SHANK1: variants seen among roughly 807,000 people sequenced by gnomAD.
The protein encoded by SHANK1 is SH3 and multiple ankyrin repeat domains protein 1.
Under a neutral mutation model 165.6 loss-of-function variants are expected in SHANK1, and 35 were observed. The ratio of observed to expected loss-of-function variants is 0.21; its 90% CI spans 0.16 to 0.28. The LOEUF (loss-of-function observed/expected upper bound fraction) is 0.28. SHANK1 is among the 10% of genes least tolerant of loss of function. The pLI, the probability that SHANK1 is intolerant of heterozygous loss-of-function variation, is 1.00. For synonymous variants in SHANK1, 1,428 were observed against 1,384.8 expected (o/e 1.03, Z -0.69); for missense variants, 2,681 against 3,036.4 (o/e 0.88, Z 2.75).
chr19:50,715,565 G>A (rs2089060057), intron 4 of SHANK1, 94 bp downstream of exon 4: 1 of 1,109,838 alleles, frequency 9.0e-7, no homozygotes, highest in African/African-American at 1.5e-5. Flanking sequence ...GAATGTGGAG[G>A]TCTATTGGGA....
intron 9 of SHANK1, 85 bp from the exon 10 acceptor site, chr19:50,704,271 G>C: frequency 4.2e-6 from 6 of 1,438,916 alleles, no homozygotes; most frequent in Non-Finnish European, 5.9e-6. Flanking sequence ...TCCCTGGCCC[G>C]ACCCAAACCT....
At chr19:50,704,343 G>A in intron 9 of SHANK1, 94 bp downstream of exon 9, 2 of 1,364,074 alleles carry the variant, frequency 1.5e-6, no homozygotes, top group Non-Finnish European at 2.1e-6. Flanking sequence ...CTGTCTCCTT[G>A]CTTTCCTCAT....
intron 8 of SHANK1, chr19:50,710,919 C>A: frequency 6.2e-6 from 1 of 161,616 alleles, no homozygotes. Context: ...TGGAGCACCC[C>A]TTTCTCCTCT....
chr19:50,714,428 CA>C, intron 4 of SHANK1, 138 bp from the exon 5 acceptor site: 2 of 728,108 alleles, frequency 2.7e-6, no homozygotes, highest in Non-Finnish European at 4.5e-6. Context: ...GCCTCCTTTA[CA>C]GAGAAAATAC....
intron 21 of SHANK1, among the ~76,000 whole-genome samples, chr19:50,672,685 G>A (rs765346863): frequency 6.6e-6 from 1 of 151,678 alleles, no homozygotes; most frequent in African/African-American, 2.4e-5. Flanking sequence ...CTCTTGATCT[G>A]CTTCCTTCCT....
Position 50,682,183 on chromosome 19 carries a change from G to A in SHANK1, c.2577+4054C>T, listed in dbSNP as rs766131866. 1.4e-4 allele frequency among the ~76,000 whole-genome samples: 21 copies of A among 152,030 alleles called. 1 individual carries two copies. The highest frequency in any genetic ancestry group is 4.1e-4 in the South Asian group (2 of 4,822). Reference sequence around the variant, plus strand: ...TGATTCTCTTGCCTCAGCCTCCCAAGTAGCTGGGACCACAGGTGCACACCA... The same window carrying A: ...TGATTCTCTTGCCTCAGCCTCCCAAATAGCTGGGACCACAGGTGCACACCA... On this transcript the variant is annotated intron_variant, in intron 21 of 23. Coordinates refer to ENST00000293441, the MANE Select transcript of SHANK1 (RefSeq NM_016148.5).
At position 50,662,232 on chromosome 19, in the gene SHANK1, C is replaced by A; in HGVS notation, c.6219G>T (p.Ser2073=). The change falls in exon 24 of 24, where the codon TCG becomes TCT. Residue 2073 remains serine, a synonymous_variant. Coordinates refer to ENST00000293441, the MANE Select transcript of SHANK1 (RefSeq NM_016148.5). The surrounding 1 kb of genome is among the most constrained non-coding windows in gnomAD (Gnocchi z 7.7). ...GCAGGCGGGTCGGTGAGAGGGAGCG[C>A]GAGGCCCCTGACAAGGCTCCCCCGA... ...GGLGGALSGA[S]RSLSPTRLLS... 6.2e-7 allele frequency: 1 copy of A among 1,609,810 alleles called. No individual in the cohort carries two copies. Among genetic ancestry groups the A allele is most frequent in the Non-Finnish European group, 8.5e-7 (1 of 1,177,332 alleles).
In SHANK1 at chr19:50,666,445, G is replaced by A. The variant is rs749230367; in HGVS notation, c.5515C>T (p.Pro1839Ser). 12 of 1,609,214 alleles carry A rather than the reference G, an allele frequency of 7.5e-6. No individual in the cohort carries two copies. The South Asian group carries it at 1.3e-4, about 18-fold the overall frequency. The change falls in exon 23 of 24, where the codon CCC becomes TCC. Residue 1839 changes from proline to serine, a missense_variant. By Grantham distance (74) the Pro-to-Ser change is moderately conservative. This residue lies in a region of SHANK1 where 1,713 missense variants were observed against 1,630.2 expected (regional missense o/e 1.05). Transcript: ENST00000293441. ...TASSLPRKLL[P>S]WEEGPGPPPP... Reference sequence around the variant, plus strand: ...GGTGGGCCCGGGCCCTCCTCCCAGGGCAGCAGCTTCCGGGGCAGAGAGGAG... The same window carrying A: ...GGTGGGCCCGGGCCCTCCTCCCAGGACAGCAGCTTCCGGGGCAGAGAGGAG...
At position 50,669,257 on chromosome 19, in the gene SHANK1, T is replaced by G. The variant is rs1985701925; in HGVS notation, c.2703A>C (p.Leu901=). ...IGAAEDDRPY[L]APPAMKFSRS... ...GGCTGAATTTCATGGCTGGGGGTGC[T>G]AGGTAAGGTCTGTCATCTTCTGCCG... The change falls in exon 23 of 24, where the codon CTA becomes CTC. Residue 901 remains leucine, a synonymous_variant. Coordinates refer to ENST00000293441, the MANE Select transcript of SHANK1 (RefSeq NM_016148.5). 6.2e-7 allele frequency: 1 copy of G among 1,610,888 alleles called. No homozygotes were observed. The highest frequency in any genetic ancestry group is 8.5e-7 in the Non-Finnish European group (1 of 1,178,744).
intron 21 of SHANK1, among the ~76,000 whole-genome samples, chr19:50,683,494 G>A (rs1462920521): frequency 6.6e-6 from 1 of 152,142 alleles, no homozygotes; most frequent in African/African-American, 2.4e-5. Context: ...ACTCATGCCT[G>A]AATGAAGCTT....
At chr19:50,664,118 CTTTCT>C (rs1298842064) in intron 23 of SHANK1, among the ~76,000 whole-genome samples, 1,461 of 84,598 alleles carry the variant, frequency 0.017, 28 homozygotes, top group African/African-American at 0.076. Context: ...TTTTTCTTTT[CTTTCT>C]TTTTTTTTTT....
chr19:50,686,930 G>T lies in SHANK1; in HGVS notation c.2390-118C>A. 8.0e-6 allele frequency: 11 copies of T among 1,367,756 alleles called. No homozygotes were observed. The highest frequency in any genetic ancestry group is 1.4e-5 in the South Asian group (1 of 69,144). 84.7% of individuals were successfully genotyped at this position (1,367,756 alleles called of 1,614,324 possible). On this transcript the variant is annotated intron_variant, in intron 19 of 23. Transcript: ENST00000293441. This position sits in a 1 kb window ranked among gnomAD's most constrained non-coding sequence, Gnocchi z 5.7. ...AGTGGGCGTGGCGGGCGCGAGAGGGGCAGTGAGGGGCCGGGGTCAGGGAGG... is the reference window on the plus strand; with the variant it reads ...AGTGGGCGTGGCGGGCGCGAGAGGGTCAGTGAGGGGCCGGGGTCAGGGAGG...
Position 50,661,640 on chromosome 19 carries a change from C to T in SHANK1, c.*325G>A, listed in dbSNP as rs1265101504. ...CCCATCCAATCGGGCTCAGGGCTGA[C>T]CCTCTATGGCTCTGTCTATCCCCTC... On this transcript the variant is annotated 3_prime_UTR_variant, in exon 24 of 24. Coordinates refer to ENST00000293441, the MANE Select transcript of SHANK1 (RefSeq NM_016148.5). Among the ~76,000 whole-genome samples, 1 of 152,070 alleles carries T rather than the reference C, an allele frequency of 6.6e-6. No individual in the cohort carries two copies. The highest frequency in any genetic ancestry group is 1.5e-5 in the Non-Finnish European group (1 of 67,994).
chr19:50,705,922 C>T (rs117893768), intron 8 of SHANK1, among the ~76,000 whole-genome samples: 16,557 of 152,032 alleles, frequency 0.11, 1,247 homozygotes, highest in Admixed American at 0.27. Context: ...TTTGGGAAGC[C>T]GAGGAGGGAG....
chr19:50,704,542 CAA>C (rs2088915073), intron 8 of SHANK1, 28 bp from the exon 9 acceptor site: 1 of 1,598,408 alleles, frequency 6.3e-7, no homozygotes, highest in African/African-American at 1.3e-5. Flanking sequence ...TGGCACAGGA[CAA>C]AGAGAGAGAG....
At chr19:50,666,037 AG>A (rs1288758333) in intron 23 of SHANK1, among the ~76,000 whole-genome samples, 154 bp downstream of exon 23, 221 of 146,824 alleles carry the variant, frequency 1.5e-3, no homozygotes, top group African/African-American at 5.4e-3. Flanking sequence ...AAAAAAAAAA[AG>A]AAAAAGAAAA....
chr19:50,704,619 C>A, intron 8 of SHANK1, 105 bp from the exon 9 acceptor site: 1 of 1,008,592 alleles, frequency 9.9e-7, no homozygotes. Context: ...ATAAATACTC[C>A]ACCCTAAACC....
rs1985123137 is a variant in SHANK1, at chr19:50,659,827, G to A, written c.*2138C>T. On this transcript the variant is annotated 3_prime_UTR_variant, in exon 24 of 24. Coordinates refer to ENST00000293441, the MANE Select transcript of SHANK1 (RefSeq NM_016148.5). ...CCCGCGGCACCCATCCAGAATGAAC[G>A]AGCCCTTGATAGACGGGCGCCGCGC... is the stretch of plus-strand genomic sequence containing the variant. 8.7e-6 allele frequency among the ~76,000 whole-genome samples: 1 copy of A among 114,976 alleles called. No individual in the cohort carries two copies. The highest frequency in any genetic ancestry group is 1.1e-4 in the Admixed American group (1 of 8,830). 75.4% of individuals were successfully genotyped at this position (114,976 alleles called of 152,430 possible).
chr19:50,675,211 G>T (rs940715637), intron 21 of SHANK1, among the ~76,000 whole-genome samples: 2 of 152,158 alleles, frequency 1.3e-5, no homozygotes, highest in Non-Finnish European at 2.9e-5. Context: ...CTCCAGCCTG[G>T]ATGACAGAGT....
Sources: allele counts gnomAD v4.1 joint callset (sites outside exome capture counted in the v4.1 genomes callset), GRCh38; gene constraint gnomAD v4.1.1; regional missense constraint gnomAD v4.1.1; non-coding constraint Gnocchi (gnomAD v3.1); transcripts MANE v1.5; gene names NCBI Gene and HGNC (gene_info 2026-07-23, HGNC 2026-07-21).